Variants in DPP6 observed in about 807,000 individuals in gnomAD.
DPP6 encodes the protein dipeptidyl peptidase like 6, also known as A-type potassium channel modulatory protein DPP6.
In DPP6, 69 loss-of-function variants were observed where a neutral mutation model predicts 122.6. That is an observed-to-expected ratio of 0.56 (90% CI 0.46 to 0.69). The LOEUF is 0.69. Among genes scored for constraint, DPP6 ranks in the 30% least tolerant of loss-of-function variants. The pLI is 0.00. For missense variants in DPP6, 928 were observed against 1,116.9 expected (o/e 0.83, Z 2.41); for synonymous variants, 418 against 433.1 (o/e 0.97, Z 0.43).
intron 6 of DPP6, among the ~76,000 whole-genome samples, chr7:154,646,412 C>T (rs1274292155): frequency 1.3e-5 from 2 of 152,154 alleles, no homozygotes; most frequent in Non-Finnish European, 2.9e-5. Flanking sequence ...CTCCCCACCA[C>T]ACGAGCCCCC....
chr7:154,839,125 A>G (rs1801314335), intron 16 of DPP6, among the ~76,000 whole-genome samples: 2 of 152,224 alleles, frequency 1.3e-5, no homozygotes, highest in Admixed American at 6.5e-5. Context: ...TAATAACAAT[A>G]CTAGACACAC....
At chr7:154,320,135 A>ATCTC (rs1807811732) in intron 1 of DPP6, among the ~76,000 whole-genome samples, 2 of 152,024 alleles carry the variant, frequency 1.3e-5, no homozygotes, top group South Asian at 4.1e-4. Context: ...TTAATCTAAT[A>ATCTC]TCTCAAAAAT....
chr7:154,180,455 T>C (rs867252537), intron 1 of DPP6, among the ~76,000 whole-genome samples: 14 of 144,964 alleles, frequency 9.7e-5, no homozygotes, highest in Non-Finnish European at 1.9e-4. Flanking sequence ...TTATATATTA[T>C]ATATAGATAT....
chr7:154,257,910 C>T (rs942791841), intron 1 of DPP6, among the ~76,000 whole-genome samples: 1 of 152,212 alleles, frequency 6.6e-6, no homozygotes, highest in African/African-American at 2.4e-5. Context: ...AGATCCTTGG[C>T]ATCAGCCAGA....
intron 1 of DPP6, among the ~76,000 whole-genome samples, chr7:154,350,992 C>T (rs528798930): frequency 1.3e-5 from 2 of 152,194 alleles, no homozygotes; most frequent in Admixed American, 6.5e-5. Flanking sequence ...TCAGTGGGCC[C>T]ATTGGACTGT....
At chr7:153,899,345 T>C (rs1799546359) in intron 1 of DPP6, among the ~76,000 whole-genome samples, 1 of 152,124 alleles carries the variant, frequency 6.6e-6, no homozygotes, top group Non-Finnish European at 1.5e-5. Context: ...TTTGGTCGCC[T>C]CTAATCATAC....
intron 1 of DPP6, among the ~76,000 whole-genome samples, chr7:153,962,251 G>A (rs147614783): frequency 0.039 from 5,864 of 152,116 alleles, 174 homozygotes; most frequent in South Asian, 0.058. Flanking sequence ...CCTGTGAAAC[G>A]GTGTTTCTTT....
chr7:154,404,314 C>T lies in DPP6; in HGVS notation c.244-41900C>T, dbSNP rs543196461. On this transcript the variant is annotated intron_variant, in intron 1 of 25. Transcript: ENST00000377770. The stretch of plus-strand genomic sequence containing the variant: ...AAATAAGAATAATGATCAGAAGCTA[C>T]GCAGAGGAGGGACTATTGTGCTCAA... Among the ~76,000 whole-genome samples the T allele has an allele frequency of 8.6e-4, 131 of 152,238 alleles. 1 individual carries two copies. The highest frequency in any genetic ancestry group is 2.7e-3 in the African/African-American group (114 of 41,540).
intron 8 of DPP6, among the ~76,000 whole-genome samples, chr7:154,733,654 G>T (rs1424907845): frequency 6.6e-6 from 1 of 152,126 alleles, no homozygotes; most frequent in Non-Finnish European, 1.5e-5. Context: ...GAGTGTGTAG[G>T]AGTAGTAGTG....
At chr7:154,130,475 A>G (rs956231732) in intron 1 of DPP6, among the ~76,000 whole-genome samples, 2 of 152,222 alleles carry the variant, frequency 1.3e-5, no homozygotes, top group African/African-American at 4.8e-5. Flanking sequence ...CTCTCACTTA[A>G]CTTGGAAGAA....
At chr7:154,066,031 A>G (rs1386588670) in intron 1 of DPP6, among the ~76,000 whole-genome samples, 1 of 148,746 alleles carries the variant, frequency 6.7e-6, no homozygotes, top group Non-Finnish European at 1.5e-5. Flanking sequence ...AGCCACGGCT[A>G]GGTTCAGATT....
chr7:154,236,112 C>G lies in DPP6; in HGVS notation c.243+183049C>G, dbSNP rs796448194. On this transcript the variant is annotated intron_variant, in intron 1 of 25. Coordinates refer to ENST00000377770, the MANE Select transcript of DPP6 (RefSeq NM_130797.4). The stretch of plus-strand genomic sequence containing the variant: ...AGGTGATCTGCCTGCCTTGGCCTCC[C>G]AAAGTGCTGGGATTACAGATGTGAG... Among the ~76,000 whole-genome samples the G allele has an allele frequency of 3.3e-5, 5 of 152,268 alleles. No homozygotes were observed. The South Asian group carries it at 1.0e-3, about 32-fold the overall frequency.
chr7:154,744,884 GCACT>G (rs1842969218), intron 8 of DPP6, among the ~76,000 whole-genome samples: 1 of 152,156 alleles, frequency 6.6e-6, no homozygotes, highest in Non-Finnish European at 1.5e-5. Flanking sequence ...GCACAGCCAG[GCACT>G]CACTCACAGT....
chr7:154,196,013 A>G (rs1421849235), intron 1 of DPP6, among the ~76,000 whole-genome samples: 1 of 152,150 alleles, frequency 6.6e-6, no homozygotes, highest in Admixed American at 6.5e-5. Context: ...TGTTGGTATT[A>G]GCCCCTCTTA....
chr7:154,361,644 C>T lies in DPP6; in HGVS notation c.244-84570C>T, dbSNP rs1442500651. 2.7e-5 allele frequency among the ~76,000 whole-genome samples: 4 copies of T among 149,724 alleles called. No individual in the cohort carries two copies. The South Asian group carries it at 8.5e-4, about 32-fold the overall frequency. The stretch of plus-strand genomic sequence containing the variant: ...AAAAAAGAATTGGGGTCATAGGGAC[C>T]AACATTGAGACACTGTTGTTGAAGC... On this transcript the variant is annotated intron_variant, in intron 1 of 25. Transcript: ENST00000377770.
At chr7:153,908,941 A>G (rs943898459) in intron 1 of DPP6, among the ~76,000 whole-genome samples, 3 of 151,802 alleles carry the variant, frequency 2.0e-5, no homozygotes, top group Non-Finnish European at 2.9e-5. Context: ...TTTAGTAGAG[A>G]TGGGGTTTCA....
Position 154,880,945 on chromosome 7 carries a change from G to C in DPP6, c.2133+3G>C. 1 of 1,613,900 alleles carries C rather than the reference G, an allele frequency of 6.2e-7. No individual in the cohort carries two copies. Among genetic ancestry groups the C allele is most frequent in the Non-Finnish European group, 8.5e-7 (1 of 1,179,868 alleles). On this transcript the variant is annotated splice_donor_region_variant and intron_variant, in intron 21 of 25. Transcript: ENST00000377770. ...CGCGCGTGGCCGTGTTTGGGAAGGT[G>C]AGTCTGCGCCACCCTGGTCTGAAAA...
upstream of DPP6, among the ~76,000 whole-genome samples, chr7:154,052,113 G>A (rs1206225100): frequency 2.0e-5 from 3 of 149,136 alleles, no homozygotes; most frequent in Non-Finnish European, 4.5e-5. The surrounding 1 kb of genome is among the most constrained non-coding windows in gnomAD (Gnocchi z 4.8). Flanking sequence ...CGCGTGCTGC[G>A]GGGCACTCGC....
chr7:154,130,964 T>C (rs1795245230), intron 1 of DPP6, among the ~76,000 whole-genome samples: 1 of 152,098 alleles, frequency 6.6e-6, no homozygotes, highest in South Asian at 2.1e-4. Flanking sequence ...GCAGGTGTAG[T>C]GAGAGTCAAC....
Sources: allele counts gnomAD v4.1 joint callset (sites outside exome capture counted in the v4.1 genomes callset), GRCh38; gene constraint gnomAD v4.1.1; non-coding constraint Gnocchi (gnomAD v3.1); transcripts MANE v1.5; gene names NCBI Gene and HGNC (gene_info 2026-07-23, HGNC 2026-07-21).